The following KIRREL3 variants were observed in gnomAD, a reference collection of about 807,000 sequenced individuals.
KIRREL3 encodes kin of IRRE-like protein 3.
KIRREL3 carries 36 observed loss-of-function variants against 89.7 expected under a neutral mutation model. That is an observed-to-expected ratio of 0.40 (90% confidence interval 0.31 to 0.53). KIRREL3 has a LOEUF of 0.53. KIRREL3 is among the 20% of genes least tolerant of loss of function. The pLI, the probability that KIRREL3 is intolerant of heterozygous loss-of-function variation, is 0.49. For missense variants in KIRREL3, 864 were observed against 1,056.6 expected (o/e 0.82, Z 2.53); for synonymous variants, 445 against 441.4 (o/e 1.01, Z -0.10).
Position 126,904,491 on chromosome 11 carries a change from T to C in KIRREL3, c.55+95964A>G, listed in dbSNP as rs1041350751. On this transcript the variant is annotated intron_variant, in intron 1 of 16. Transcript: ENST00000525144. The surrounding 1 kb of genome is among the most constrained non-coding windows in gnomAD (Gnocchi z 4.4). ...ATAGCAGATATTTGGTCAGAAAATC[T>C]TTTATGAATTAGAAGTCATTCCTAA... is the stretch of plus-strand genomic sequence containing the variant. Among the ~76,000 whole-genome samples the C allele has an allele frequency of 3.9e-5, 6 of 152,240 alleles. No individual in the cohort carries two copies. The highest frequency in any genetic ancestry group is 1.2e-4 in the African/African-American group (5 of 41,472).
intron 1 of KIRREL3, among the ~76,000 whole-genome samples, chr11:126,858,174 C>T (rs1944592195): frequency 6.6e-6 from 1 of 152,190 alleles, no homozygotes; most frequent in South Asian, 2.1e-4. Context: ...GCAGAATACA[C>T]AAATATAGAC....
At chr11:126,701,604 C>A (rs1047882123) in intron 1 of KIRREL3, among the ~76,000 whole-genome samples, 1 of 152,066 alleles carries the variant, frequency 6.6e-6, no homozygotes, top group African/African-American at 2.4e-5. Flanking sequence ...TAGAAACTCT[C>A]ATGGCATGCT....
intron 1 of KIRREL3, among the ~76,000 whole-genome samples, chr11:126,781,403 C>T (rs1950320689): frequency 6.6e-6 from 1 of 152,094 alleles, no homozygotes; most frequent in Non-Finnish European, 1.5e-5. Flanking sequence ...ATTCTACCAC[C>T]CAGGGGAAAC....
rs373112688 is a variant in KIRREL3 at position 126,937,768 on chromosome 11, A to G, written c.55+62687T>C. On this transcript the variant is annotated intron_variant, in intron 1 of 16. Transcript: ENST00000525144. ...CAAAAAATCAGCCGGGCGTGGTGGC[A>G]GGTGCCTGTAGTCCCAGCTGCTCGG... is the stretch of plus-strand genomic sequence containing the variant. 3.4e-3 allele frequency among the ~76,000 whole-genome samples: 518 copies of G among 152,264 alleles called. 2 individuals are homozygous for G. The highest frequency in any genetic ancestry group is 0.011 in the African/African-American group (444 of 41,546).
chr11:126,799,406 C>CTG (rs139061676), intron 1 of KIRREL3, among the ~76,000 whole-genome samples: 66,507 of 83,076 alleles, frequency 0.8, 25,080 homozygotes, highest in South Asian at 0.87. Context: ...GTGCATCTAT[C>CTG]TGTGTGTGCG....
At chr11:126,753,669 T>A (rs561645491) in intron 1 of KIRREL3, among the ~76,000 whole-genome samples, 1 of 152,228 alleles carries the variant, frequency 6.6e-6, no homozygotes, top group South Asian at 2.1e-4. Context: ...AAATGGAGTA[T>A]CACCCTATAA....
At position 126,797,043 on chromosome 11, in the gene KIRREL3, C is replaced by G. The variant is rs1950833608; in HGVS notation, c.55+203412G>C. 6.6e-6 allele frequency among the ~76,000 whole-genome samples: 1 copy of G among 152,188 alleles called. No individual in the cohort carries two copies. Among genetic ancestry groups the G allele is most frequent in the African/African-American group, 2.4e-5 (1 of 41,444 alleles). Reference sequence around the variant, plus strand: ...GCTGATCCTGTGAAGATTCTCTGCACACTATTGGAGGAGCTGTCTGTTGCG... The same window carrying G: ...GCTGATCCTGTGAAGATTCTCTGCAGACTATTGGAGGAGCTGTCTGTTGCG... On this transcript the variant is annotated intron_variant, in intron 1 of 16. Coordinates refer to ENST00000525144, the MANE Select transcript of KIRREL3 (RefSeq NM_032531.4). The surrounding 1 kb of genome is among the most constrained non-coding windows in gnomAD (Gnocchi z 4.9).
intron 1 of KIRREL3, among the ~76,000 whole-genome samples, chr11:126,648,755 T>A (rs902622876): frequency 4.9e-5 from 5 of 101,326 alleles, no homozygotes; most frequent in African/African-American, 1.8e-4. Context: ...CATGATCAAA[T>A]AGGAACTATA....
rs1279488046 is a variant in KIRREL3 at position 126,985,504 on chromosome 11, G to C, written c.55+14951C>G. Among the ~76,000 whole-genome samples, 1 of 152,136 alleles carries C rather than the reference G, an allele frequency of 6.6e-6. No individual in the cohort carries two copies. Among genetic ancestry groups the C allele is most frequent in the African/African-American group, 2.4e-5 (1 of 41,416 alleles). ...GCATTTAAATTAGATTGTGGGGAGA[G>C]AGGTCAAGGAAACTTCCACCAGGAG... On this transcript the variant is annotated intron_variant, in intron 1 of 16. Coordinates refer to ENST00000525144, the MANE Select transcript of KIRREL3 (RefSeq NM_032531.4). This position sits in a 1 kb window ranked among gnomAD's most constrained non-coding sequence, Gnocchi z 5.3.
intron 1 of KIRREL3, among the ~76,000 whole-genome samples, chr11:126,596,478 C>T (rs1942401329): frequency 6.6e-6 from 1 of 152,242 alleles, no homozygotes; most frequent in Admixed American, 6.5e-5. Flanking sequence ...TCACTATACT[C>T]TGTCCCTTCT....
intron 1 of KIRREL3, among the ~76,000 whole-genome samples, chr11:126,962,145 T>C (rs1949109642): frequency 6.6e-6 from 1 of 152,254 alleles, no homozygotes; most frequent in Non-Finnish European, 1.5e-5. Flanking sequence ...AATCAAAAAG[T>C]AATTTTGGCT....
At position 126,562,992 on chromosome 11, in the gene KIRREL3, G is replaced by C; in HGVS notation, c.56-80C>G. The C allele has an allele frequency of 2.1e-6, 2 of 961,096 alleles. No individual in the cohort carries two copies. Among genetic ancestry groups the C allele is most frequent in the Non-Finnish European group, 3.2e-6 (2 of 617,384 alleles). The allele number at this position is 961,096 out of a possible 1,614,324, so 59.5% of individuals were successfully genotyped here. On this transcript the variant is annotated intron_variant, in intron 1 of 16. Coordinates refer to ENST00000525144, the MANE Select transcript of KIRREL3 (RefSeq NM_032531.4). This position sits in a 1 kb window ranked among gnomAD's most constrained non-coding sequence, Gnocchi z 4.7. ...TGGGGGGCCCTCTGCAGGGGGCTGT[G>C]GAGCTTGTTGCTCTTATAAACAGAG...
rs909841704 is a variant in KIRREL3 at position 126,627,467 on chromosome 11, G to T, written c.56-64555C>A. 5.3e-5 allele frequency among the ~76,000 whole-genome samples: 8 copies of T among 152,204 alleles called. No individual in the cohort carries two copies. Among genetic ancestry groups the T allele is most frequent in the Non-Finnish European group, 8.8e-5 (6 of 68,040 alleles). ...CGTCATCTTCACCAAGTCTAGGGTG[G>T]TCACCTGGTGATGGGAACAAGCTTC... On this transcript the variant is annotated intron_variant, in intron 1 of 16. Coordinates refer to ENST00000525144, the MANE Select transcript of KIRREL3 (RefSeq NM_032531.4). The surrounding 1 kb of genome is among the most constrained non-coding windows in gnomAD (Gnocchi z 5.0).
chr11:126,630,187 T>G (rs533283804), intron 1 of KIRREL3, among the ~76,000 whole-genome samples: 40 of 152,158 alleles, frequency 2.6e-4, no homozygotes, highest in Non-Finnish European at 5.0e-4. Flanking sequence ...TCCCAGGAAC[T>G]GATGATAGTC....
At chr11:127,000,997 A>C (rs1396914438), upstream of KIRREL3, 1 of 228,214 alleles carries the variant, frequency 4.4e-6, no homozygotes, top group African/African-American at 2.2e-5. This position sits in a 1 kb window ranked among gnomAD's most constrained non-coding sequence, Gnocchi z 7.1. Flanking sequence ...AAATAGGGAA[A>C]AATTCAGCTT....
chr11:126,828,967 C>T (rs1943511677), intron 1 of KIRREL3, among the ~76,000 whole-genome samples: 1 of 152,118 alleles, frequency 6.6e-6, no homozygotes, highest in African/African-American at 2.4e-5. Context: ...ATTGAGGCCA[C>T]TGCTGTGATT....
intron 1 of KIRREL3, among the ~76,000 whole-genome samples, chr11:126,786,942 G>A (rs1486522431): frequency 6.6e-6 from 1 of 152,214 alleles, no homozygotes; most frequent in East Asian, 1.9e-4. Flanking sequence ...ATGAGCAGAA[G>A]GAGCTGCTAT....
intron 1 of KIRREL3, among the ~76,000 whole-genome samples, chr11:126,831,435 T>TTCTCTCTCTCTCTC (rs5795530): frequency 0.034 from 5,052 of 149,958 alleles, 98 homozygotes; most frequent in African/African-American, 0.055. Flanking sequence ...CTCTCTCTCT[T>TTCTCTCTCTCTCTC]TCTCTCTCTC....
chr11:126,966,902 C>T (rs535878448), intron 1 of KIRREL3, among the ~76,000 whole-genome samples: 5 of 152,180 alleles, frequency 3.3e-5, no homozygotes, highest in Admixed American at 6.5e-5. Context: ...TTTATTAATG[C>T]AGTCCACAGA....
Sources: allele counts gnomAD v4.1 joint callset (sites outside exome capture counted in the v4.1 genomes callset), GRCh38; gene constraint gnomAD v4.1.1; non-coding constraint Gnocchi (gnomAD v3.1); transcripts MANE v1.5; gene names NCBI Gene and HGNC (gene_info 2026-07-23, HGNC 2026-07-21).